CD99L2: variants seen among roughly 807,000 people sequenced by gnomAD.
The protein encoded by CD99L2 is CD99 antigen-like protein 2.
Under a neutral mutation model 27.3 loss-of-function variants are expected in CD99L2, and 24 were observed. The observed-to-expected ratio is 0.88, with a 90% CI of 0.64 to 1.24. The LOEUF is 1.24. Among genes scored for constraint, CD99L2 ranks in the 50% most tolerant of loss-of-function variants. The pLI, the probability that CD99L2 is intolerant of heterozygous loss-of-function variation, is 0.00. For missense variants in CD99L2, 255 were observed against 221.6 expected (o/e 1.15, Z -0.96); for synonymous variants, 97 against 87.9 (o/e 1.10, Z -0.58).
chrX:150,829,876 G>A (rs1250627248), intron 2 of CD99L2, among the ~76,000 whole-genome samples: 1 of 111,220 alleles, frequency 9.0e-6, no homozygotes, highest in Non-Finnish European at 1.9e-5. Context: ...GTTTAAGGAG[G>A]CCAGGCGTGG....
In CD99L2 at chrX:150,768,936, C is replaced by T. The variant is rs1481413030; in HGVS notation, c.*98G>A. On this transcript the variant is annotated 3_prime_UTR_variant, in exon 11 of 11. Transcript: ENST00000370377. ...TCAGACCAACAAGGAGCCGATGGCA[C>T]AGAGCAGCACAGCAGCTGCGGGTCC... The T allele has an allele frequency of 9.3e-7, 1 of 1,076,463 alleles. No individual in the cohort carries two copies. The highest frequency in any genetic ancestry group is 2.0e-5 in the African/African-American group (1 of 51,027). The allele number at this position is 1,076,463 out of a possible 1,213,427, so 88.7% of individuals were successfully genotyped here.
chrX:150,769,053 G>T lies in CD99L2; in HGVS notation c.770C>A (p.Pro257His). 8.7e-7 allele frequency: 1 copy of T among 1,148,712 alleles called. No individual in the cohort carries two copies. 94.7% of individuals were successfully genotyped at this position (1,148,712 alleles called of 1,213,427 possible). Residue 257 changes from proline (P) to histidine (H), a missense_variant, in exon 11 of 11, where the codon CCC becomes CAC. By Grantham distance (77) the Pro-to-His change is moderately conservative. Transcript: ENST00000370377. Reference sequence around the variant, plus strand: ...GGGCCCTCAGATCCGGGCTGGTTCGGGCGGCGGCGGCGGCTCTGCAGACTG... The same window carrying T: ...GGGCCCTCAGATCCGGGCTGGTTCGTGCGGCGGCGGCGGCTCTGCAGACTG... ...HTQSAEPPPP[P>H]EPARI
chrX:150,827,827 C>T (rs180989187), intron 2 of CD99L2, among the ~76,000 whole-genome samples: 36 of 111,587 alleles, frequency 3.2e-4, no homozygotes, highest in Non-Finnish European at 5.1e-4. Flanking sequence ...TGTGAGGTAA[C>T]GGTCCAACTT....
rs145087361 is a variant in CD99L2 at position 150,869,684 on chromosome X, G to A, written c.67+28838C>T. Among the ~76,000 whole-genome samples, 387 of 111,960 alleles carry A rather than the reference G, an allele frequency of 3.5e-3. 3 individuals are homozygous for A. The highest frequency in any genetic ancestry group is 9.9e-3 in the African/African-American group (304 of 30,847). On this transcript the variant is annotated intron_variant, in intron 1 of 10. Coordinates refer to ENST00000370377, the MANE Select transcript of CD99L2 (RefSeq NM_031462.4). ...TTGTGTCACTGTTGCCAGCCAAGGC[G>A]TCTGCTCAGGCCCTCTCTTTGCCTT...
intron 1 of CD99L2, among the ~76,000 whole-genome samples, chrX:150,890,452 C>G (rs2047493882): frequency 8.9e-6 from 1 of 111,819 alleles, no homozygotes; most frequent in Non-Finnish European, 1.9e-5. Context: ...GCACTCCAGC[C>G]TGGGTGACAA....
In CD99L2 at chrX:150,793,772, C is replaced by T; in HGVS notation, c.431-16G>A. The T allele has an allele frequency of 8.7e-7, 1 of 1,153,525 alleles. No individual in the cohort carries two copies. The highest frequency in any genetic ancestry group is 2.0e-5 in the South Asian group (1 of 51,024). On this transcript the variant is annotated splice_polypyrimidine_tract_variant and intron_variant, in intron 6 of 10. Coordinates refer to ENST00000370377, the MANE Select transcript of CD99L2 (RefSeq NM_031462.4). ...TCTGAAAAACCTGGAGAAAATAAAA[C>T]ATACATTTCAACAACAAGAAAAAAA...
intron 4 of CD99L2, among the ~76,000 whole-genome samples, chrX:150,813,989 G>A (rs1287143127): frequency 1.8e-5 from 2 of 112,001 alleles, no homozygotes; most frequent in African/African-American, 3.2e-5. Flanking sequence ...CTACCACTGT[G>A]AGTTTAACAG....
At chrX:150,796,021 T>C (rs1443637998) in intron 4 of CD99L2, among the ~76,000 whole-genome samples, 5 of 112,724 alleles carry the variant, frequency 4.4e-5, no homozygotes, top group African/African-American at 6.5e-5. Flanking sequence ...CTTTCAAATA[T>C]GGACTTCTTT....
intron 10 of CD99L2, among the ~76,000 whole-genome samples, chrX:150,769,598 TCTCCCA>T (rs2043378471): frequency 9.1e-6 from 1 of 109,591 alleles, no homozygotes; most frequent in South Asian, 3.7e-4. Context: ...CCCCTCCTGG[TCTCCCA>T]GGCCCAGTCC....
intron 7 of CD99L2, 123 bp downstream of exon 7, chrX:150,793,568 A>C: frequency 3.7e-6 from 2 of 538,862 alleles, no homozygotes; most frequent in Non-Finnish European, 5.9e-6. Context: ...ATGAACCCCA[A>C]CTGGCAGGCT....
chrX:150,831,830 G>T (rs1231124540), intron 1 of CD99L2, among the ~76,000 whole-genome samples: 3 of 111,865 alleles, frequency 2.7e-5, no homozygotes, highest in East Asian at 2.8e-4. Flanking sequence ...TGCTAAAGGG[G>T]TCAATTCATT....
Position 150,778,380 on chromosome X carries a change from T to G in CD99L2, c.497-898A>C. On this transcript the variant is annotated intron_variant, in intron 7 of 10. Coordinates refer to ENST00000370377, the MANE Select transcript of CD99L2 (RefSeq NM_031462.4). ...ACCGCCCTGGGATATTGAAGGCAAA[T>G]GAGCTCCAACATTTCCTTCACCAAT... 3.7e-5 allele frequency among the ~76,000 whole-genome samples: 4 copies of G among 107,484 alleles called. 1 individual carries two copies. In the Middle Eastern group the frequency reaches 0.019, roughly 505 times the overall value. 93.3% of individuals were successfully genotyped at this position (107,484 alleles called of 115,157 possible). A position where few individuals can be genotyped will look rare whatever the true frequency, so the allele number is the denominator to read the frequency against.
rs782762355 is a variant in CD99L2, at chrX:150,803,189, C to T, written c.278-7703G>A. Among the ~76,000 whole-genome samples the T allele has an allele frequency of 2.7e-5, 3 of 111,590 alleles. No homozygotes were observed. The South Asian group carries it at 1.1e-3, about 42-fold the overall frequency. On this transcript the variant is annotated intron_variant, in intron 4 of 10. Transcript: ENST00000370377. The stretch of plus-strand genomic sequence containing the variant: ...GATTACGGGCGTGAGCCACCATGCC[C>T]GGCTAGAAAAGAAAATATTTAAACA...
intron 4 of CD99L2, among the ~76,000 whole-genome samples, chrX:150,811,771 C>T (rs782419206): frequency 9.0e-5 from 10 of 111,715 alleles, no homozygotes; most frequent in Non-Finnish European, 1.1e-4. Flanking sequence ...AACAATTAGA[C>T]ATTCACAGGC....
At chrX:150,891,810 A>AG (rs61196379) in intron 1 of CD99L2, among the ~76,000 whole-genome samples, 26,092 of 111,311 alleles carry the variant, frequency 0.23, 2,228 homozygotes, top group Middle Eastern at 0.36. Context: ...TTCACCAGTC[A>AG]TGGACCTAGC....
chrX:150,782,928 G>A (rs1190962846), intron 7 of CD99L2, among the ~76,000 whole-genome samples: 1 of 110,837 alleles, frequency 9.0e-6, no homozygotes, highest in African/African-American at 3.3e-5. Context: ...GACAATGACT[G>A]TAAACACAGT....
Position 150,768,844 on chromosome X carries a change from G to A in CD99L2, c.*190C>T. ...GCTGGCTCTTGAATTTCGGCACCAA[G>A]TCTCAGCACGCTTGGGGCAGGGCAG... On this transcript the variant is annotated 3_prime_UTR_variant, in exon 11 of 11. Transcript: ENST00000370377. 1 of 951,110 alleles carries A rather than the reference G, an allele frequency of 1.1e-6. No individual in the cohort carries two copies. Among genetic ancestry groups the A allele is most frequent in the Non-Finnish European group, 1.3e-6 (1 of 755,810 alleles). The allele number at this position is 951,110 out of a possible 1,213,427, so 78.4% of individuals were successfully genotyped here.
At chrX:150,796,336 CT>C (rs782805747) in intron 4 of CD99L2, among the ~76,000 whole-genome samples, 75 of 112,391 alleles carry the variant, frequency 6.7e-4, no homozygotes, top group South Asian at 6.3e-3. Flanking sequence ...TCTGAATCTT[CT>C]GCAAAGAAAA....
At chrX:150,863,095 T>C (rs1465048042) in intron 1 of CD99L2, among the ~76,000 whole-genome samples, 2 of 112,138 alleles carry the variant, frequency 1.8e-5, no homozygotes, top group African/African-American at 6.5e-5. Flanking sequence ...AGGCCTTAAT[T>C]ATGGCCCACA....
Sources: gnomAD v4.1 joint callset for allele counts (sites outside exome capture counted in the v4.1 genomes callset) on GRCh38, gnomAD v4.1.1 for gene constraint, MANE v1.5 for transcripts, NCBI Gene and HGNC (gene_info 2026-07-23, HGNC 2026-07-21) for gene names.